Variants in TPRG1L observed in about 807,000 individuals in gnomAD.
TPRG1L encodes the protein tumor protein p63-regulated gene 1-like protein.
In TPRG1L, 25 loss-of-function variants were observed where a neutral mutation model predicts 29.4. The observed-to-expected ratio is 0.85, with a 90% CI of 0.62 to 1.19. TPRG1L has a LOEUF of 1.19. Ranked by LOEUF, TPRG1L falls within the 50% of genes most tolerant of loss-of-function variation. TPRG1L has a pLI of 0.00. For missense variants in TPRG1L, 354 were observed against 364.4 expected (o/e 0.97, Z 0.23); for synonymous variants, 182 against 151.1 (o/e 1.20, Z -1.50).
chr1:3,625,230 A>G lies in TPRG1L; in HGVS notation c.158A>G (p.Asp53Gly). The G allele has an allele frequency of 7.4e-7, 1 of 1,357,424 alleles. No homozygotes were observed. The highest frequency in any genetic ancestry group is 9.4e-7 in the Non-Finnish European group (1 of 1,061,540). 84.1% of individuals were successfully genotyped at this position (1,357,424 alleles called of 1,614,324 possible). The change falls in exon 1 of 5, where the codon GAC becomes GGC. Residue 53 changes from aspartate to glycine, a missense_variant. Transcript: ENST00000378344. ...ACACTCTGGCCTCTCAGCATCCACG[A>G]CCCCACGCGCCGCGCCCGCGTCAAG... Reference protein sequence around the residue: ...RQTLWPLSIHDPTRRARVKEY... With the variant: ...RQTLWPLSIHGPTRRARVKEY...
At chr1:3,627,471 A>T in intron 3 of TPRG1L, 29 bp from the exon 4 acceptor site, 5 of 1,612,846 alleles carry the variant, frequency 3.1e-6, no homozygotes, top group Non-Finnish European at 4.2e-6. Context: ...CTGCCATGCT[A>T]AGTCTGGCTA....
At chr1:3,628,250 A>AC (rs914158820) in intron 4 of TPRG1L, among the ~76,000 whole-genome samples, 159 bp from the exon 5 acceptor site, 3 of 152,016 alleles carry the variant, frequency 2.0e-5, no homozygotes, top group East Asian at 1.9e-4. Context: ...GAGTTGAGAG[A>AC]CCCCCAGGAT....
rs1644484286 is a variant in TPRG1L, at chr1:3,625,869, TC to T, written c.455del (p.Pro152LeufsTer25). On this transcript the variant is annotated frameshift_variant, in exon 3 of 5. Transcript: ENST00000378344. LOFTEE classifies it high-confidence loss of function. Reference sequence around the variant, plus strand: ...CCATTTCCTACGGAGAATTCCAGTTTCCCCCTAAATCGCTCAACAAGTAAGC... The same window carrying T: ...CCATTTCCTACGGAGAATTCCAGTTTCCCCTAAATCGCTCAACAAGTAAGC... Reference protein sequence around the residue: ...DTISYGEFQFPPKSLNKREGF... With the variant: ...DTISYGEFQFXPKSLNKREGF... The T allele has an allele frequency of 6.2e-7, 1 of 1,611,730 alleles. No homozygotes were observed. Among genetic ancestry groups the T allele is most frequent in the Non-Finnish European group, 8.5e-7 (1 of 1,179,730 alleles).
At chr1:3,626,273 T>TAAAAAA (rs1481398884) in intron 3 of TPRG1L, among the ~76,000 whole-genome samples, 1 of 152,240 alleles carries the variant, frequency 6.6e-6, no homozygotes, top group Non-Finnish European at 1.5e-5. Context: ...CTGGCTAATT[T>TAAAAAA]TTTAAAGAGA....
Position 3,627,531 on chromosome 1 carries a change from G to A in TPRG1L, c.502G>A (p.Asp168Asn). Reference protein sequence around the residue: ...REGFGIRIQWDKQSRPSFINR... With the variant: ...REGFGIRIQWNKQSRPSFINR... ...AGGTTTTGGGATTCGAATTCAGTGG[G>A]ACAAGCAAAGTCGTCCTTCCTTCAT... Residue 168 changes from aspartate to asparagine, a missense_variant, in exon 4 of 5, where the codon GAC (aspartate) becomes AAC (asparagine). Transcript: ENST00000378344. 6.2e-7 allele frequency: 1 copy of A among 1,614,054 alleles called. No individual in the cohort carries two copies. Among genetic ancestry groups the A allele is most frequent in the African/African-American group, 1.3e-5 (1 of 75,040 alleles).
chr1:3,625,659 C>G, intron 2 of TPRG1L, 54 bp from the exon 3 acceptor site: 1 of 1,581,372 alleles, frequency 6.3e-7, no homozygotes, highest in Non-Finnish European at 8.6e-7. Context: ...CTGGCCTTGG[C>G]TAAGTCGAGA....
At position 3,625,208 on chromosome 1, in the gene TPRG1L, C is replaced by T; in HGVS notation, c.136C>T (p.Leu46Phe). ...PGAGTPLRQT[L>F]WPLSIHDPTR... ...GGCGGGGACGCCGCTGCGCCAGACA[C>T]TCTGGCCTCTCAGCATCCACGACCC... The change falls in exon 1 of 5, where the codon CTC (leucine) becomes TTC (phenylalanine). Residue 46 changes from leucine (L) to phenylalanine (F), a missense_variant. Physicochemically the swap from Leu to Phe is conservative, Grantham distance 22 (BLOSUM62 0). Transcript: ENST00000378344. The T allele has an allele frequency of 2.3e-6, 3 of 1,331,666 alleles. No individual in the cohort carries two copies. Among genetic ancestry groups the T allele is most frequent in the Non-Finnish European group, 1.9e-6 (2 of 1,044,498 alleles). 82.5% of individuals were successfully genotyped at this position (1,331,666 alleles called of 1,614,324 possible).
At chr1:3,627,383 T>C (rs2101946230) in intron 3 of TPRG1L, 117 bp from the exon 4 acceptor site, 3 of 1,160,114 alleles carry the variant, frequency 2.6e-6, no homozygotes, top group Non-Finnish European at 3.7e-6. Flanking sequence ...CATAGGTCTT[T>C]TCTGTAAACG....
chr1:3,628,549 TAAC>T lies in TPRG1L; in HGVS notation c.769_771del (p.Asn257del), dbSNP rs772898611. On this transcript the variant is annotated inframe_deletion, in exon 5 of 5. Coordinates refer to ENST00000378344, the MANE Select transcript of TPRG1L (RefSeq NM_182752.4). Reference sequence around the variant, plus strand: ...CCTACGTGGGACTCATGTCCTTCATTAACAACGAGGCGAAACTGGGCTACTCCA... The same window carrying T: ...CCTACGTGGGACTCATGTCCTTCATTAACGAGGCGAAACTGGGCTACTCCA... The T allele has an allele frequency of 2.5e-6, 4 of 1,613,608 alleles. No individual in the cohort carries two copies. The highest frequency in any genetic ancestry group is 2.2e-5 in the South Asian group (2 of 91,066).
chr1:3,627,376 A>C, intron 3 of TPRG1L, 124 bp from the exon 4 acceptor site: 1 of 1,017,962 alleles, frequency 9.8e-7, no homozygotes, highest in Non-Finnish European at 1.5e-6. Flanking sequence ...GATATGTCAT[A>C]GGTCTTTTCT....
At chr1:3,627,804 C>T in intron 4 of TPRG1L, 151 bp downstream of exon 4, 1 of 1,020,376 alleles carries the variant, frequency 9.8e-7, no homozygotes, top group South Asian at 1.6e-5. Flanking sequence ...AGGAAGCTCT[C>T]ATTTTAGAGT....
Position 3,625,783 on chromosome 1 carries a change from T to TA in TPRG1L, c.365dup (p.Tyr122Ter). ...GGAGCAGTCCCTGCTTATCTGTAAA[T>TA]ACGACTTCATCAGTCTCCAGTGCCA... ...VTEQSLLICKYDFISLQCQQV... is the reference protein window; with the variant it reads ...VTEQSLLICK Residue 122 changes from tyrosine (Y) to a stop codon, truncating the protein, a stop_gained and frameshift_variant, in exon 3 of 5, where the codon TAC becomes TAAC. Coordinates refer to ENST00000378344, the MANE Select transcript of TPRG1L (RefSeq NM_182752.4). LOFTEE classifies it high-confidence loss of function. 1 of 1,613,762 alleles carries TA rather than the reference T, an allele frequency of 6.2e-7. No individual in the cohort carries two copies. Among genetic ancestry groups the TA allele is most frequent in the Non-Finnish European group, 8.5e-7 (1 of 1,180,024 alleles).
At chr1:3,628,115 G>A (rs1014586028) in intron 4 of TPRG1L, among the ~76,000 whole-genome samples, 1 of 152,222 alleles carries the variant, frequency 6.6e-6, no homozygotes, top group Non-Finnish European at 1.5e-5. Flanking sequence ...GACCTGGTAG[G>A]TTGGGTGACG....
intron 3 of TPRG1L, 85 bp from the exon 4 acceptor site, chr1:3,627,415 C>T: frequency 1.3e-6 from 2 of 1,512,772 alleles, no homozygotes; most frequent in South Asian, 2.4e-5. Context: ...CTGTCATATT[C>T]TCCTAACTGA....
intron 4 of TPRG1L, 46 bp downstream of exon 4, chr1:3,627,699 A>G: frequency 6.2e-7 from 1 of 1,607,804 alleles, no homozygotes; most frequent in South Asian, 1.1e-5. Flanking sequence ...GCAGTGATGG[A>G]AACACCCCCC....
chr1:3,625,410 C>G lies in TPRG1L; in HGVS notation c.202-14C>G, dbSNP rs558048558. 1 of 1,577,376 alleles carries G rather than the reference C, an allele frequency of 6.3e-7. No individual in the cohort carries two copies. Among genetic ancestry groups the G allele is most frequent in the African/African-American group, 1.3e-5 (1 of 74,564 alleles). On this transcript the variant is annotated splice_polypyrimidine_tract_variant and intron_variant, in intron 1 of 4. Transcript: ENST00000378344. ...TGATCTTTGCCCCCGTCCCCCACCC[C>G]GCAACCCGCCCAGCCCGGCAGCATC...
At position 3,628,649 on chromosome 1, in the gene TPRG1L, C is replaced by T; in HGVS notation, c.*46C>T. 9.6e-7 allele frequency: 1 copy of T among 1,043,594 alleles called. No individual in the cohort carries two copies. Among genetic ancestry groups the T allele is most frequent in the Non-Finnish European group, 1.3e-6 (1 of 757,184 alleles). 64.6% of individuals were successfully genotyped at this position (1,043,594 alleles called of 1,614,324 possible). On this transcript the variant is annotated 3_prime_UTR_variant, in exon 5 of 5. Coordinates refer to ENST00000378344, the MANE Select transcript of TPRG1L (RefSeq NM_182752.4). ...CTCCCCCTTCTGGGAGCTCCTCCCC[C>T]TCCCCAGAAGGCCAAGGGATGTGGG...
Position 3,625,212 on chromosome 1 carries a change from GGCCTCTCAGCATCCACGACCCCA to G in TPRG1L, c.141_163del (p.Trp47CysfsTer51). On this transcript the variant is annotated frameshift_variant, in exon 1 of 5. Transcript: ENST00000378344. LOFTEE classifies it high-confidence loss of function. ...GGGACGCCGCTGCGCCAGACACTCT[GGCCTCTCAGCATCCACGACCCCA>G]CGCGCCGCGCCCGCGTCAAGGAGTA... 1 of 1,337,910 alleles carries G rather than the reference GGCCTCTCAGCATCCACGACCCCA, an allele frequency of 7.5e-7. No individual in the cohort carries two copies. Among genetic ancestry groups the G allele is most frequent in the Non-Finnish European group, 9.5e-7 (1 of 1,048,168 alleles). 82.9% of individuals were successfully genotyped at this position (1,337,910 alleles called of 1,614,324 possible).
rs140484869 is a variant in TPRG1L, at chr1:3,627,539, A to T, written c.510A>T (p.Gln170His). The T allele has an allele frequency of 1.2e-5, 20 of 1,614,062 alleles. No individual in the cohort carries two copies. In the African/African-American group the frequency reaches 2.1e-4, roughly 17 times the overall value. ...GFGIRIQWDK[Q>H]SRPSFINRWN... ...GGATTCGAATTCAGTGGGACAAGCA[A>T]AGTCGTCCTTCCTTCATAAACAGAT... is the stretch of plus-strand genomic sequence containing the variant. The change falls in exon 4 of 5, where the codon CAA (glutamine) becomes CAT (histidine). Residue 170 changes from glutamine (Q) to histidine (H), a missense_variant. Coordinates refer to ENST00000378344, the MANE Select transcript of TPRG1L (RefSeq NM_182752.4).
Sources: allele counts gnomAD v4.1 joint callset (sites outside exome capture counted in the v4.1 genomes callset), GRCh38; gene constraint gnomAD v4.1.1; transcripts MANE v1.5; gene names NCBI Gene and HGNC (gene_info 2026-07-23, HGNC 2026-07-21).